Variants in MEIS2 observed in about 807,000 individuals in gnomAD.
MEIS2 encodes Meis homeobox 2.
Under a neutral mutation model 58.6 loss-of-function variants are expected in MEIS2, and 9 were observed. The observed-to-expected ratio is 0.15, with a 90% CI of 0.09 to 0.27. MEIS2 has a LOEUF of 0.27. MEIS2 is among the 10% of genes least tolerant of loss of function. The pLI, the probability that MEIS2 is intolerant of heterozygous loss-of-function variation, is 1.00. For synonymous variants in MEIS2, 221 were observed against 228.4 expected (o/e 0.97, Z 0.29); for missense variants, 427 against 635.0 (o/e 0.67, Z 3.52).
chr15:37,071,197 C>T (rs1890660226), intron 7 of MEIS2, among the ~76,000 whole-genome samples: 1 of 152,040 alleles, frequency 6.6e-6, no homozygotes, highest in Admixed American at 6.6e-5. Context: ...ACAGTGGGGG[C>T]TAGAAGAGGG....
At chr15:36,965,606 G>C (rs1408122960) in intron 8 of MEIS2, among the ~76,000 whole-genome samples, 3 of 152,186 alleles carry the variant, frequency 2.0e-5, no homozygotes, top group Non-Finnish European at 4.4e-5. Context: ...CATTAGGTCA[G>C]TTAATTTAAA....
At chr15:36,963,172 C>A (rs1417736740) in intron 8 of MEIS2, among the ~76,000 whole-genome samples, 1 of 151,916 alleles carries the variant, frequency 6.6e-6, no homozygotes, top group South Asian at 2.1e-4. Flanking sequence ...GCCAGGAGTT[C>A]GAGACCAGCC....
intron 8 of MEIS2, among the ~76,000 whole-genome samples, chr15:37,020,674 CT>C (rs556555396): frequency 4.7e-3 from 655 of 138,568 alleles, no homozygotes; most frequent in Middle Eastern, 7.8e-3. Flanking sequence ...GCATTCTGGT[CT>C]TTTTTTTTTT....
intron 7 of MEIS2, among the ~76,000 whole-genome samples, chr15:37,064,313 G>T (rs1274229005): frequency 6.6e-6 from 1 of 151,560 alleles, no homozygotes; most frequent in African/African-American, 2.4e-5. Context: ...AGTATATAAT[G>T]CTGATAAGAA....
chr15:37,008,729 G>A (rs28413473), intron 8 of MEIS2, among the ~76,000 whole-genome samples: 38,953 of 152,086 alleles, frequency 0.26, 5,825 homozygotes, highest in Non-Finnish European at 0.34. Context: ...AGGCATTAAA[G>A]TTATTGATTT....
intron 8 of MEIS2, among the ~76,000 whole-genome samples, chr15:37,034,458 T>C (rs1338597421): frequency 6.6e-6 from 1 of 152,150 alleles, no homozygotes; most frequent in Non-Finnish European, 1.5e-5. Flanking sequence ...CTTGCATACA[T>C]TCAACTAGAT....
At chr15:36,978,194 T>C (rs1158232050) in intron 8 of MEIS2, among the ~76,000 whole-genome samples, 1 of 152,256 alleles carries the variant, frequency 6.6e-6, no homozygotes, top group African/African-American at 2.4e-5. Context: ...GGCCAATTAA[T>C]TTCCTTGGCA....
intron 8 of MEIS2, among the ~76,000 whole-genome samples, chr15:36,954,189 T>A (rs542375914): frequency 1.3e-5 from 2 of 151,982 alleles, no homozygotes; most frequent in Non-Finnish European, 2.9e-5. Flanking sequence ...GAGGTTCTCA[T>A]GAAAAGGTTG....
intron 9 of MEIS2, among the ~76,000 whole-genome samples, chr15:36,925,652 A>G (rs966257526): frequency 6.6e-6 from 1 of 152,206 alleles, no homozygotes; most frequent in South Asian, 2.1e-4. Flanking sequence ...TTTTAACTGC[A>G]TATTTCCAGA....
At chr15:37,005,076 A>G (rs1328481019) in intron 8 of MEIS2, among the ~76,000 whole-genome samples, 1 of 152,210 alleles carries the variant, frequency 6.6e-6, no homozygotes, top group East Asian at 1.9e-4. Flanking sequence ...ATTCCAATTC[A>G]TAAAAACCAT....
At chr15:36,947,571 C>T (rs2058612198) in intron 9 of MEIS2, among the ~76,000 whole-genome samples, 1 of 151,938 alleles carries the variant, frequency 6.6e-6, no homozygotes, top group Admixed American at 6.6e-5. Context: ...GAAGCAGAAC[C>T]AGAACCGCAA....
rs543145852 is a variant in MEIS2, at chr15:36,890,558, A to G, written c.*1615T>C. On this transcript the variant is annotated 3_prime_UTR_variant, in exon 12 of 12. Coordinates refer to ENST00000561208, the MANE Select transcript of MEIS2 (RefSeq NM_170675.5). ...CTCCATAGAAGTTGTTTACTTATCT[A>G]TGAACACCCATATGTAAATTTTCAT... 3 of 152,166 alleles carry G rather than the reference A, an allele frequency of 2.0e-5. No individual in the cohort carries two copies. Among genetic ancestry groups the G allele is most frequent in the African/African-American group, 4.8e-5 (2 of 41,450 alleles). The allele number at this position is 152,166 out of a possible 1,614,324, so 9.4% of individuals were successfully genotyped here.
intron 9 of MEIS2, among the ~76,000 whole-genome samples, chr15:36,928,430 C>A (rs776263051): frequency 2.0e-5 from 3 of 152,156 alleles, no homozygotes; most frequent in Non-Finnish European, 4.4e-5. Flanking sequence ...GATGAGGAAG[C>A]TGAGGGACCA....
At chr15:36,998,916 C>A (rs1164808793) in intron 8 of MEIS2, among the ~76,000 whole-genome samples, 1 of 152,218 alleles carries the variant, frequency 6.6e-6, no homozygotes, top group Non-Finnish European at 1.5e-5. Context: ...AGATTCAAAT[C>A]TTAAGCATTC....
intron 8 of MEIS2, among the ~76,000 whole-genome samples, chr15:37,022,953 C>T (rs897818632): frequency 6.6e-6 from 1 of 152,170 alleles, no homozygotes; most frequent in South Asian, 2.1e-4. Context: ...CTGTGCCCAG[C>T]CTGCTTCAAT....
intron 9 of MEIS2, among the ~76,000 whole-genome samples, chr15:36,908,887 C>T (rs552379139): frequency 4.0e-5 from 6 of 151,816 alleles, no homozygotes; most frequent in Non-Finnish European, 7.4e-5. Flanking sequence ...TGTGGTGAGC[C>T]GAGATGGCGC....
chr15:36,949,389 A>G (rs1343896046), intron 9 of MEIS2, among the ~76,000 whole-genome samples: 1 of 152,044 alleles, frequency 6.6e-6, no homozygotes, highest in Non-Finnish European at 1.5e-5. Flanking sequence ...GCCTGCCTGT[A>G]TCCCACAGAT....
intron 7 of MEIS2, among the ~76,000 whole-genome samples, chr15:37,068,791 C>T (rs1890303439): frequency 1.3e-5 from 2 of 152,102 alleles, no homozygotes; most frequent in East Asian, 3.9e-4. Flanking sequence ...TAAGTCACAG[C>T]TTCAGAGATT....
chr15:36,940,988 CTA>C (rs1180988003), intron 9 of MEIS2, among the ~76,000 whole-genome samples: 1 of 152,172 alleles, frequency 6.6e-6, no homozygotes, highest in Non-Finnish European at 1.5e-5. Context: ...AAGTTAATCC[CTA>C]TGACTTTTGC....
Sources: gnomAD v4.1 joint callset for allele counts (sites outside exome capture counted in the v4.1 genomes callset) on GRCh38, gnomAD v4.1.1 for gene constraint, MANE v1.5 for transcripts, NCBI Gene and HGNC (gene_info 2026-07-23, HGNC 2026-07-21) for gene names.